PANX1: variants seen among roughly 807,000 people sequenced by gnomAD.
PANX1 encodes pannexin-1.
PANX1 carries 30 observed loss-of-function variants against 38.7 expected under a neutral mutation model. That is an observed-to-expected ratio of 0.78 (90% confidence interval 0.58 to 1.05). The LOEUF is 1.05. Ranked by LOEUF, PANX1 falls within the 50% of genes least tolerant of loss-of-function variation. The probability of loss-of-function intolerance (pLI) is 0.00; values close to 1 mark genes in which losing one functional copy is unlikely to be tolerated. For synonymous variants in PANX1, 230 were observed against 212.2 expected, an observed-to-expected ratio of 1.08 and a Z score of -0.73; for missense variants, 551 against 517.2, an observed-to-expected ratio of 1.07 and a Z score of -0.63.
intron 1 of PANX1, among the ~76,000 whole-genome samples, chr11:94,152,834 G>A (rs1423329903): frequency 3.9e-5 from 6 of 152,158 alleles, no homozygotes; most frequent in African/African-American, 1.4e-4. Context: ...GAACGGTAGA[G>A]CCCCACCAGG....
intron 2 of PANX1, among the ~76,000 whole-genome samples, chr11:94,175,276 AAG>A (rs1947220000): frequency 6.6e-6 from 1 of 151,830 alleles, no homozygotes; most frequent in African/African-American, 2.4e-5. Context: ...AAAAAATAAA[AAG>A]AGGTTTTAGT....
chr11:94,136,925 G>T (rs1946699834), intron 1 of PANX1, among the ~76,000 whole-genome samples: 1 of 152,096 alleles, frequency 6.6e-6, no homozygotes, highest in African/African-American at 2.4e-5. Context: ...TTGGCTTCTG[G>T]GGAGGCCTCG....
At chr11:94,138,816 TAA>T (rs938966726) in intron 1 of PANX1, among the ~76,000 whole-genome samples, 2 of 152,226 alleles carry the variant, frequency 1.3e-5, no homozygotes, top group African/African-American at 4.8e-5. Flanking sequence ...CTTTACAGTA[TAA>T]GTTTTGATAA....
chr11:94,167,764 C>T (rs1947119697), intron 2 of PANX1, among the ~76,000 whole-genome samples: 1 of 152,188 alleles, frequency 6.6e-6, no homozygotes, highest in African/African-American at 2.4e-5. Flanking sequence ...GAGGGCCTAC[C>T]ATATGCTGGA....
At chr11:94,154,258 G>A (rs1946921004) in intron 2 of PANX1, among the ~76,000 whole-genome samples, 1 of 152,216 alleles carries the variant, frequency 6.6e-6, no homozygotes, top group Non-Finnish European at 1.5e-5. Context: ...TTCCCATAGA[G>A]AAGAGGTACA....
chr11:94,154,025 C>T (rs1336425526), intron 2 of PANX1, among the ~76,000 whole-genome samples: 1 of 152,172 alleles, frequency 6.6e-6, no homozygotes, highest in Non-Finnish European at 1.5e-5. Flanking sequence ...ACCTTTTCTA[C>T]CACACACAGG....
intron 1 of PANX1, among the ~76,000 whole-genome samples, chr11:94,137,109 T>A (rs1315132954): frequency 6.6e-6 from 1 of 152,036 alleles, no homozygotes; most frequent in African/African-American, 2.4e-5. Flanking sequence ...ATCGAGACCA[T>A]CCTGGCCAAC....
In PANX1 at chr11:94,179,934, A is replaced by G. The variant is rs1017327784; in HGVS notation, c.878A>G (p.Tyr293Cys). 4 of 1,609,314 alleles carry G rather than the reference A, an allele frequency of 2.5e-6. No homozygotes were observed. Among genetic ancestry groups the G allele is most frequent in the Admixed American group, 3.3e-5 (2 of 59,798 alleles). The change falls in exon 4 of 5, where the codon TAC (tyrosine) becomes TGC (cysteine). Residue 293 changes from tyrosine (Y) to cysteine (C), a missense_variant. Coordinates refer to ENST00000227638, the MANE Select transcript of PANX1 (RefSeq NM_015368.4). ...GTCCTGCTGGCTCCCGTGGTTGTCT[A>G]CACGCTGTTTGTTCCATTCCGACAG... ...VYVLLAPVVV[Y>C]TLFVPFRQKT...
At chr11:94,154,270 T>G (rs1055856413) in intron 2 of PANX1, among the ~76,000 whole-genome samples, 1 of 152,158 alleles carries the variant, frequency 6.6e-6, no homozygotes, top group Admixed American at 6.5e-5. Flanking sequence ...AGAGGTACAT[T>G]CTGTAGTCAG....
intron 2 of PANX1, among the ~76,000 whole-genome samples, chr11:94,156,260 G>A (rs1946947684): frequency 6.6e-6 from 1 of 152,216 alleles, no homozygotes; most frequent in African/African-American, 2.4e-5. Flanking sequence ...TCTAGTCAAG[G>A]AAGGGGAAAT....
intron 2 of PANX1, among the ~76,000 whole-genome samples, chr11:94,165,331 A>AT (rs538951329): frequency 4.7e-5 from 7 of 148,592 alleles, no homozygotes; most frequent in African/African-American, 1.2e-4. Flanking sequence ...ATTTTTATTT[A>AT]TTTTTTTTAA....
At chr11:94,162,202 G>T (rs1426062078) in intron 2 of PANX1, among the ~76,000 whole-genome samples, 3 of 152,204 alleles carry the variant, frequency 2.0e-5, no homozygotes, top group Non-Finnish European at 4.4e-5. Context: ...TCCATTCTCA[G>T]ACCTCCAGCT....
rs538616470 is a variant in PANX1 at position 94,159,444 on chromosome 11, T to C, written c.321+5814T>C. Among the ~76,000 whole-genome samples, 144 of 152,350 alleles carry C rather than the reference T, an allele frequency of 9.5e-4. 2 individuals are homozygous for C. The highest frequency in any genetic ancestry group is 3.4e-3 in the African/African-American group (140 of 41,580). On this transcript the variant is annotated intron_variant, in intron 2 of 4. Transcript: ENST00000227638. ...TCAATTTCAGAGCCTGTTATTGGTCTATTCAGAGATTCAACTTCTTCCTGG... is the reference window on the plus strand; with the variant it reads ...TCAATTTCAGAGCCTGTTATTGGTCCATTCAGAGATTCAACTTCTTCCTGG...
At position 94,129,237 on chromosome 11, in the gene PANX1, TG is replaced by T; in HGVS notation, c.-73del. 3 of 1,323,194 alleles carry T rather than the reference TG, an allele frequency of 2.3e-6. No homozygotes were observed. Among genetic ancestry groups the T allele is most frequent in the Non-Finnish European group, 3.1e-6 (3 of 964,514 alleles). 82.0% of individuals were successfully genotyped at this position (1,323,194 alleles called of 1,614,324 possible). A position where few individuals can be genotyped will look rare whatever the true frequency, so the allele number is the denominator to read the frequency against. ...GAAAGCCGCGCGCCCGGCCGGTGAC[TG>T]GGTGAAGGCGCCGCGCAGCTTTCCC... On this transcript the variant is annotated 5_prime_UTR_variant, in exon 1 of 5. It removes the in-frame stop codon of an upstream open reading frame in the 5' UTR. Transcript: ENST00000227638.
chr11:94,149,348 C>T (rs1946860044), intron 1 of PANX1, among the ~76,000 whole-genome samples: 1 of 152,194 alleles, frequency 6.6e-6, no homozygotes, highest in Non-Finnish European at 1.5e-5. Flanking sequence ...CAAGGGCCAC[C>T]TGTGCTGCTG....
chr11:94,141,886 G>A (rs1175113338), intron 1 of PANX1, among the ~76,000 whole-genome samples: 4 of 152,174 alleles, frequency 2.6e-5, no homozygotes, highest in African/African-American at 9.7e-5. Context: ...AGCGCTCGAA[G>A]CACTGGAACG....
chr11:94,130,349 G>T (rs1414697691), intron 1 of PANX1, among the ~76,000 whole-genome samples: 1 of 152,160 alleles, frequency 6.6e-6, no homozygotes, highest in Non-Finnish European at 1.5e-5. Context: ...TAAGACCTTT[G>T]TTAAGGTTTT....
At position 94,152,690 on chromosome 11, in the gene PANX1, T is replaced by C. The variant is rs185823467; in HGVS notation, c.182-801T>C. ...TTGGTCAGTTTCCCTCCATGGCCTG[T>C]GTGTGTCAGGAGCACAAAGAGTCTT... On this transcript the variant is annotated intron_variant, in intron 1 of 4. Coordinates refer to ENST00000227638, the MANE Select transcript of PANX1 (RefSeq NM_015368.4). 4.5e-3 allele frequency among the ~76,000 whole-genome samples: 682 copies of C among 152,284 alleles called. 3 individuals are homozygous for C. The highest frequency in any genetic ancestry group is 6.7e-3 in the Non-Finnish European group (458 of 68,002).
rs914151231 is a variant in PANX1 at position 94,173,599 on chromosome 11, G to A, written c.322-4770G>A. On this transcript the variant is annotated intron_variant, in intron 2 of 4. Coordinates refer to ENST00000227638, the MANE Select transcript of PANX1 (RefSeq NM_015368.4). Reference sequence around the variant, plus strand: ...TGATCCTCAGTTCTTCTCCTTTTCCGTCCCCCTCTTCTGTGTGGACACTGA... The same window carrying A: ...TGATCCTCAGTTCTTCTCCTTTTCCATCCCCCTCTTCTGTGTGGACACTGA... Among the ~76,000 whole-genome samples, 36 of 151,346 alleles carry A rather than the reference G, an allele frequency of 2.4e-4. 2 individuals are homozygous for A. The highest frequency in any genetic ancestry group is 5.9e-4 in the Admixed American group (9 of 15,252).
Sources: allele counts gnomAD v4.1 joint callset (sites outside exome capture counted in the v4.1 genomes callset), GRCh38; gene constraint gnomAD v4.1.1; transcripts MANE v1.5; gene names NCBI Gene and HGNC (gene_info 2026-07-23, HGNC 2026-07-21).